The following WDR72 variants were observed in gnomAD, a reference collection of about 807,000 sequenced individuals.
WDR72 encodes WD repeat domain 72, also known as WD repeat-containing protein 72.
WDR72 carries 120 observed loss-of-function variants against 124.2 expected under a neutral mutation model. That is an observed-to-expected ratio of 0.97 (90% confidence interval 0.83 to 1.12). The LOEUF is 1.12. Among genes scored for constraint, WDR72 ranks in the 50% most tolerant of loss-of-function variants. WDR72 has a pLI of 0.00. For missense variants in WDR72, 1,387 were observed against 1,278.8 expected (o/e 1.08, Z -1.29); for synonymous variants, 452 against 441.7 (o/e 1.02, Z -0.29).
intron 18 of WDR72, among the ~76,000 whole-genome samples, chr15:53,548,903 C>G (rs367857091): frequency 2.0e-5 from 3 of 151,952 alleles, no homozygotes; most frequent in East Asian, 3.9e-4. Flanking sequence ...TGTTCATCTT[C>G]TTTATATCAA....
chr15:53,724,746 T>C (rs2017973262), intron 2 of WDR72, among the ~76,000 whole-genome samples: 1 of 152,196 alleles, frequency 6.6e-6, no homozygotes, highest in African/African-American at 2.4e-5. Flanking sequence ...TCATTTGCGG[T>C]AATCATTTCA....
At chr15:53,655,825 T>G (rs985020572) in intron 14 of WDR72, among the ~76,000 whole-genome samples, 5 of 152,166 alleles carry the variant, frequency 3.3e-5, no homozygotes, top group Admixed American at 6.5e-5. Flanking sequence ...CCTGAGTAGC[T>G]GGGATTACAG....
At chr15:53,613,399 T>C (rs917278518) in intron 16 of WDR72, among the ~76,000 whole-genome samples, 2 of 152,226 alleles carry the variant, frequency 1.3e-5, no homozygotes, top group African/African-American at 4.8e-5. Context: ...GTTATGTCTA[T>C]GTTTTAAAAT....
intron 14 of WDR72, among the ~76,000 whole-genome samples, chr15:53,645,043 T>C (rs1327943940): frequency 3.3e-5 from 5 of 152,158 alleles, no homozygotes; most frequent in Non-Finnish European, 7.4e-5. Context: ...TGGATACTTT[T>C]TGTTTTCTTT....
At chr15:53,758,973 C>T (rs2018992265) in intron 1 of WDR72, among the ~76,000 whole-genome samples, 1 of 152,030 alleles carries the variant, frequency 6.6e-6, no homozygotes, top group Non-Finnish European at 1.5e-5. Flanking sequence ...AGACAGTCCC[C>T]CCTTTATCTT....
At chr15:53,564,450 G>A (rs1894228179) in intron 18 of WDR72, among the ~76,000 whole-genome samples, 1 of 151,772 alleles carries the variant, frequency 6.6e-6, no homozygotes, top group Non-Finnish European at 1.5e-5. Context: ...TGGTAAACAT[G>A]CCATGTATTA....
intron 1 of WDR72, chr15:53,756,627 G>T (rs994291808): frequency 2.6e-5 from 4 of 152,074 alleles, no homozygotes; most frequent in Admixed American, 2.6e-4. Context: ...GAGAGAGAGA[G>T]GAAAAGTCAG....
chr15:53,653,705 T>A (rs1595821847), intron 14 of WDR72, among the ~76,000 whole-genome samples: 1 of 152,182 alleles, frequency 6.6e-6, no homozygotes, highest in South Asian at 2.1e-4. Context: ...TTGTGGAAGC[T>A]GAAAATAATA....
At chr15:53,721,089 G>C (rs1466699074) in intron 3 of WDR72, among the ~76,000 whole-genome samples, 1 of 152,112 alleles carries the variant, frequency 6.6e-6, no homozygotes, top group Non-Finnish European at 1.5e-5. Context: ...GGTACTACCT[G>C]AAAAGTATCT....
chr15:53,562,758 T>C (rs1475741732), intron 18 of WDR72, among the ~76,000 whole-genome samples: 1 of 151,824 alleles, frequency 6.6e-6, no homozygotes, highest in East Asian at 1.9e-4. Context: ...AAGAGATAAA[T>C]GGACTTCAGC....
At chr15:53,734,623 AG>A (rs1400503897) in intron 1 of WDR72, among the ~76,000 whole-genome samples, 11 of 152,010 alleles carry the variant, frequency 7.2e-5, no homozygotes, top group African/African-American at 2.4e-4. Context: ...GAACTAAATT[AG>A]TATGTGGCTT....
chr15:53,735,434 T>G (rs1239757433), intron 1 of WDR72, among the ~76,000 whole-genome samples: 3 of 152,174 alleles, frequency 2.0e-5, no homozygotes, highest in Admixed American at 2.0e-4. Flanking sequence ...ACAGTGACAT[T>G]ACAATGGGGA....
intron 14 of WDR72, among the ~76,000 whole-genome samples, chr15:53,627,308 C>T (rs188348269): frequency 2.0e-5 from 3 of 152,292 alleles, no homozygotes; most frequent in Admixed American, 1.3e-4. Context: ...AAGGAAAAGT[C>T]GTCATCATGT....
intron 2 of WDR72, among the ~76,000 whole-genome samples, chr15:53,730,155 G>C (rs1020274465): frequency 6.6e-6 from 1 of 152,044 alleles, no homozygotes; most frequent in Admixed American, 6.6e-5. Context: ...ACAAAATGTG[G>C]TATATATATA....
At chr15:53,674,475 C>T (rs2016096631) in intron 13 of WDR72, among the ~76,000 whole-genome samples, 1 of 152,166 alleles carries the variant, frequency 6.6e-6, no homozygotes, top group African/African-American at 2.4e-5. Flanking sequence ...GCATCTTACT[C>T]CAGGAAATGT....
intron 18 of WDR72, among the ~76,000 whole-genome samples, chr15:53,565,029 T>A (rs1416560783): frequency 6.6e-6 from 1 of 151,840 alleles, no homozygotes; most frequent in African/African-American, 2.4e-5. Context: ...TAGAGCTGGG[T>A]GCTTTGAGGT....
intron 14 of WDR72, among the ~76,000 whole-genome samples, chr15:53,626,652 G>A (rs900593932): frequency 6.6e-6 from 1 of 152,174 alleles, no homozygotes; most frequent in Non-Finnish European, 1.5e-5. Flanking sequence ...TGTCCTTCCC[G>A]CTGTGCTCTC....
At chr15:53,679,097 C>T (rs2016287014) in intron 13 of WDR72, among the ~76,000 whole-genome samples, 1 of 152,138 alleles carries the variant, frequency 6.6e-6, no homozygotes, top group African/African-American at 2.4e-5. Flanking sequence ...ATATACCCAA[C>T]CCAGAACAGG....
chr15:53,702,325 G>A lies in WDR72; in HGVS notation c.1378C>T (p.His460Tyr). Residue 460 changes from histidine to tyrosine, a missense_variant, in exon 12 of 20, where the codon CAC (histidine) becomes TAC (tyrosine). Physicochemically the swap from His to Tyr is moderately conservative, Grantham distance 83 (BLOSUM62 2). Coordinates refer to ENST00000360509, the MANE Select transcript of WDR72 (RefSeq NM_182758.4). ...DSPPHKVLKG[H>Y]HQSVTSLLYP... ...AGTAATGAAGTGACACTTTGGTGGT[G>A]GCCTTTAAGAACTTTATGAGGGGGA... is the stretch of plus-strand genomic sequence containing the variant. 1 of 1,613,760 alleles carries A rather than the reference G, an allele frequency of 6.2e-7. No individual in the cohort carries two copies. The highest frequency in any genetic ancestry group is 1.1e-5 in the South Asian group (1 of 91,032).
Sources: allele counts gnomAD v4.1 joint callset (sites outside exome capture counted in the v4.1 genomes callset), GRCh38; gene constraint gnomAD v4.1.1; transcripts MANE v1.5; gene names NCBI Gene and HGNC (gene_info 2026-07-23, HGNC 2026-07-21).